Variants in COX10 observed in about 807,000 individuals in gnomAD.
COX10 encodes the protein cytochrome c oxidase assembly factor heme A:farnesyltransferase COX10.
COX10 carries 27 observed loss-of-function variants against 37.3 expected under a neutral mutation model. The ratio of observed to expected loss-of-function variants is 0.72; its 90% CI spans 0.53 to 1.00. The LOEUF (loss-of-function observed/expected upper bound fraction) is 1.00, where lower values mean the gene tolerates loss of function less well. COX10 is among the 50% of genes least tolerant of loss of function. COX10 has a pLI of 0.00. For missense variants in COX10, 475 were observed against 563.2 expected, an observed-to-expected ratio of 0.84 and a Z score of 1.59; for synonymous variants, 222 against 229.1, an observed-to-expected ratio of 0.97 and a Z score of 0.28.
intron 4 of COX10, among the ~76,000 whole-genome samples, chr17:14,147,439 T>A (rs1299790335): frequency 6.6e-6 from 1 of 152,022 alleles, no homozygotes; most frequent in African/African-American, 2.4e-5. Flanking sequence ...GTATAGGATC[T>A]AAAAACCAAA....
chr17:14,206,046 G>C (rs1368986699), intron 6 of COX10, among the ~76,000 whole-genome samples: 1 of 152,170 alleles, frequency 6.6e-6, no homozygotes, highest in Non-Finnish European at 1.5e-5. Flanking sequence ...TAACACATGT[G>C]GTTTTGACAC....
intron 6 of COX10, among the ~76,000 whole-genome samples, chr17:14,194,131 G>A (rs940073998): frequency 1.3e-5 from 2 of 152,080 alleles, no homozygotes; most frequent in Admixed American, 6.6e-5. Flanking sequence ...GGGACAGGTA[G>A]TACAGGAGAC....
chr17:14,126,900 T>G lies in COX10; in HGVS notation c.624+24658T>G, dbSNP rs145408359. On this transcript the variant is annotated intron_variant, in intron 4 of 6. Coordinates refer to ENST00000261643, the MANE Select transcript of COX10 (RefSeq NM_001303.4). Reference sequence around the variant, plus strand: ...TTTAAATATTAATCAGTATGAGCATTACTGAAATATGCTAAATCTTATTGA... The same window carrying G: ...TTTAAATATTAATCAGTATGAGCATGACTGAAATATGCTAAATCTTATTGA... 2.4e-4 allele frequency among the ~76,000 whole-genome samples: 37 copies of G among 152,242 alleles called. No individual in the cohort carries two copies. The East Asian group carries it at 6.4e-3, about 26-fold the overall frequency.
chr17:14,197,117 T>A (rs1362695110), intron 6 of COX10, among the ~76,000 whole-genome samples: 1 of 152,182 alleles, frequency 6.6e-6, no homozygotes, highest in African/African-American at 2.4e-5. Flanking sequence ...ATGGAAATCC[T>A]GCAGCCTCAT....
At chr17:14,170,063 T>C (rs1369169057) in intron 5 of COX10, among the ~76,000 whole-genome samples, 1 of 152,208 alleles carries the variant, frequency 6.6e-6, no homozygotes, top group Admixed American at 6.5e-5. Context: ...TTCTTTGCTA[T>C]ATTTTGATGC....
intron 4 of COX10, among the ~76,000 whole-genome samples, chr17:14,155,763 A>G (rs1416611403): frequency 6.6e-6 from 1 of 151,954 alleles, no homozygotes; most frequent in East Asian, 1.9e-4. Context: ...GAGTGAACAC[A>G]GAAGGCTAGG....
chr17:14,172,578 C>CT (rs57560461), intron 5 of COX10, among the ~76,000 whole-genome samples: 1,185 of 105,626 alleles, frequency 0.011, 49 homozygotes, highest in African/African-American at 0.028. Context: ...TTTTCTTTTT[C>CT]TTTTTTTTTT....
At chr17:14,163,547 C>A (rs541653496) in intron 5 of COX10, among the ~76,000 whole-genome samples, 1 of 152,120 alleles carries the variant, frequency 6.6e-6, no homozygotes, top group Non-Finnish European at 1.5e-5. Flanking sequence ...TGAGCCACTG[C>A]GCCTGGCTGC....
intron 5 of COX10, among the ~76,000 whole-genome samples, chr17:14,166,785 CTTTTTTT>C (rs57127092): frequency 2.0e-5 from 2 of 100,256 alleles, no homozygotes; most frequent in African/African-American, 3.7e-5. Context: ...CTATTTCTTT[CTTTTTTT>C]TTTTTTTTTT....
chr17:14,075,102 C>T lies in COX10; in HGVS notation c.177+646C>T, dbSNP rs998536472. Among the ~76,000 whole-genome samples, 12 of 152,244 alleles carry T rather than the reference C, an allele frequency of 7.9e-5. No individual in the cohort carries two copies. In the East Asian group the frequency reaches 9.6e-4, roughly 12 times the overall value. ...AACTCATAGTGCCAGCCTGAAAGAA[C>T]GGCAGACTTATAATTTAAAGTCCTA... is the stretch of plus-strand genomic sequence containing the variant. On this transcript the variant is annotated intron_variant, in intron 2 of 6. Transcript: ENST00000261643.
In COX10 at chr17:14,181,618, T is replaced by C. The variant is rs2532447; in HGVS notation, c.696-10371T>C. Among the ~76,000 whole-genome samples the C allele has an allele frequency of 3.9e-4, 60 of 152,338 alleles. No homozygotes were observed. In the South Asian group the frequency reaches 5.2e-3, roughly 13 times the overall value. On this transcript the variant is annotated intron_variant, in intron 5 of 6. Transcript: ENST00000261643. ...ACAAAGCTATTTTTTAAGTAGAGTC[T>C]TATAAATTAAAAATAAGGAGGCAGA...
At chr17:14,093,885 G>T (rs1023474775) in intron 3 of COX10, among the ~76,000 whole-genome samples, 3 of 152,170 alleles carry the variant, frequency 2.0e-5, no homozygotes, top group African/African-American at 7.2e-5. Flanking sequence ...AGTCTTTGTA[G>T]TACTTACTAA....
At chr17:14,143,342 T>A (rs1002730892) in intron 4 of COX10, among the ~76,000 whole-genome samples, 5 of 152,228 alleles carry the variant, frequency 3.3e-5, no homozygotes, top group African/African-American at 1.2e-4. Flanking sequence ...CATTTTGTTA[T>A]GTATTTGCTT....
intron 5 of COX10, among the ~76,000 whole-genome samples, chr17:14,186,092 C>A (rs1906017154): frequency 6.6e-6 from 1 of 152,222 alleles, no homozygotes; most frequent in Non-Finnish European, 1.5e-5. Context: ...GATTCTTCTT[C>A]CTTTGAAATG....
rs1317040142 is a variant in COX10, at chr17:14,069,542, G to A, written c.-64G>A. On this transcript the variant is annotated 5_prime_UTR_variant, in exon 1 of 7. Coordinates refer to ENST00000261643, the MANE Select transcript of COX10 (RefSeq NM_001303.4). Reference sequence around the variant, plus strand: ...GGGGGCGGGGAAGGAAGATGGCGGCGCCCAGCGTCCCGTGAGGAGAGAGGA... The same window carrying A: ...GGGGGCGGGGAAGGAAGATGGCGGCACCCAGCGTCCCGTGAGGAGAGAGGA... The A allele has an allele frequency of 2.5e-6, 4 of 1,594,922 alleles. No individual in the cohort carries two copies. The highest frequency in any genetic ancestry group is 3.4e-6 in the Non-Finnish European group (4 of 1,165,372).
intron 3 of COX10, among the ~76,000 whole-genome samples, chr17:14,088,271 A>T (rs1420765383): frequency 6.6e-6 from 1 of 152,096 alleles, no homozygotes; most frequent in African/African-American, 2.4e-5. Flanking sequence ...GTTTAGTCTC[A>T]TCTGTGCTAT....
intron 4 of COX10, among the ~76,000 whole-genome samples, chr17:14,138,077 GAC>G (rs1355805619): frequency 6.6e-6 from 1 of 151,388 alleles, no homozygotes; most frequent in African/African-American, 2.4e-5. Flanking sequence ...TCATTAAAGG[GAC>G]ACACATGAAT....
At chr17:14,081,304 T>C (rs1312045334) in intron 3 of COX10, among the ~76,000 whole-genome samples, 1 of 152,076 alleles carries the variant, frequency 6.6e-6, no homozygotes, top group Non-Finnish European at 1.5e-5. Flanking sequence ...GGGCCTGAAC[T>C]GAGGCTGTGG....
At chr17:14,113,215 G>T (rs934462595) in intron 4 of COX10, among the ~76,000 whole-genome samples, 2 of 152,078 alleles carry the variant, frequency 1.3e-5, no homozygotes, top group Non-Finnish European at 2.9e-5. Flanking sequence ...CTTTAATTCT[G>T]TTTGTTCAAT....
Sources: gnomAD v4.1 joint callset for allele counts (sites outside exome capture counted in the v4.1 genomes callset) on GRCh38, gnomAD v4.1.1 for gene constraint, MANE v1.5 for transcripts, NCBI Gene and HGNC (gene_info 2026-07-23, HGNC 2026-07-21) for gene names.